Variants in RMDN2 observed in about 807,000 individuals in gnomAD.
RMDN2 encodes the protein regulator of microtubule dynamics 2.
Under a neutral mutation model 52.8 loss-of-function variants are expected in RMDN2, and 61 were observed. The ratio of observed to expected loss-of-function variants is 1.16; its 90% CI spans 0.94 to 1.43. The LOEUF is 1.43. Ranked by LOEUF, RMDN2 falls within the 40% of genes most tolerant of loss-of-function variation. The pLI is 0.00. For missense variants in RMDN2, 592 were observed against 475.3 expected (o/e 1.25, Z -2.28); for synonymous variants, 180 against 153.1 (o/e 1.18, Z -1.30).
intron 2 of RMDN2, among the ~76,000 whole-genome samples, chr2:37,960,129 G>T (rs552796807): frequency 6.6e-6 from 1 of 152,290 alleles, no homozygotes; most frequent in South Asian, 2.1e-4. Context: ...TTGATTTGGG[G>T]TGGAGAGTTC....
chr2:38,045,083 A>G lies in RMDN2; in HGVS notation c.1714-21899A>G, dbSNP rs139285934. 3.9e-5 allele frequency among the ~76,000 whole-genome samples: 6 copies of G among 152,228 alleles called. No homozygotes were observed. In the East Asian group the frequency reaches 1.2e-3, roughly 29 times the overall value. On this transcript the variant is annotated intron_variant, in intron 10 of 10. Coordinates refer to the RMDN2 transcript ENST00000234195. ...CTTTTTGTCAAGAGTAGGTTTATATAACTCTGTATGTTAATTTATTAAAAG... is the reference window on the plus strand; with the variant it reads ...CTTTTTGTCAAGAGTAGGTTTATATGACTCTGTATGTTAATTTATTAAAAG...
intron 2 of RMDN2, among the ~76,000 whole-genome samples, chr2:37,934,960 A>G (rs1363365614): frequency 1.3e-5 from 2 of 152,242 alleles, no homozygotes; most frequent in Non-Finnish European, 2.9e-5. Context: ...TGAAAGTAAC[A>G]AATTCATTAT....
chr2:37,984,373 C>T (rs1673715558), intron 5 of RMDN2, among the ~76,000 whole-genome samples: 1 of 152,118 alleles, frequency 6.6e-6, no homozygotes. Flanking sequence ...TGTGCTCTAC[C>T]CTTTGCAAAT....
intron 10 of RMDN2, among the ~76,000 whole-genome samples, chr2:38,045,350 C>T (rs975745497): frequency 2.6e-5 from 4 of 152,174 alleles, no homozygotes; most frequent in African/African-American, 9.7e-5. Flanking sequence ...CACTCTTACA[C>T]TCTTAGCACA....
At chr2:38,050,648 T>C (rs1285734736) in intron 10 of RMDN2, among the ~76,000 whole-genome samples, 2 of 152,118 alleles carry the variant, frequency 1.3e-5, no homozygotes, top group African/African-American at 4.8e-5. Flanking sequence ...CAAATAAAAG[T>C]TGGTTGAGAG....
chr2:38,016,846 G>A (rs1190700001), intron 10 of RMDN2, among the ~76,000 whole-genome samples: 1 of 151,940 alleles, frequency 6.6e-6, no homozygotes, highest in Non-Finnish European at 1.5e-5. Flanking sequence ...GAAAATACTA[G>A]ATACTTCATG....
At chr2:37,981,377 T>C (rs1673290646) in intron 5 of RMDN2, 34 bp downstream of exon 5, 4 of 1,336,696 alleles carry the variant, frequency 3.0e-6, no homozygotes, top group African/African-American at 2.9e-5. Flanking sequence ...TCTTTTAAAT[T>C]CTAACCTGCC....
intron 4 of RMDN2, among the ~76,000 whole-genome samples, chr2:37,980,891 T>G (rs1264919180): frequency 6.6e-6 from 1 of 152,186 alleles, no homozygotes; most frequent in Admixed American, 6.5e-5. Flanking sequence ...TATTTTACAT[T>G]TTATTCCCAG....
intron 2 of RMDN2, among the ~76,000 whole-genome samples, chr2:37,949,107 A>T (rs928719565): frequency 1.3e-5 from 2 of 152,202 alleles, no homozygotes; most frequent in African/African-American, 4.8e-5. Context: ...GGAACAAAAG[A>T]CAGTAGTCTC....
In RMDN2 at chr2:38,017,469, C is replaced by T; in HGVS notation, c.*230C>T. On this transcript the variant is annotated 3_prime_UTR_variant, in exon 11 of 11. Coordinates refer to ENST00000354545, the MANE Select transcript of RMDN2 (RefSeq NM_001170791.3). ...AATACATAATCTATAAACATGTATG[C>T]TTTATATTTTTCTTATCAATAAACT... 8.9e-7 allele frequency: 1 copy of T among 1,124,188 alleles called. No homozygotes were observed. The highest frequency in any genetic ancestry group is 1.2e-6 in the Non-Finnish European group (1 of 847,032). 69.6% of individuals were successfully genotyped at this position (1,124,188 alleles called of 1,614,324 possible). A position where few individuals can be genotyped will look rare whatever the true frequency, so the allele number is the denominator to read the frequency against.
Position 37,975,246 on chromosome 2 carries a change from C to A in RMDN2, c.662C>A (p.Ala221Asp). Reference protein sequence around the residue: ...RDEIEFMWRFARAYGDMYELS... With the variant: ...RDEIEFMWRFDRAYGDMYELS... ...GAAATAGAGTTTATGTGGCGATTTG[C>A]TCGTGCTTATGGAGACATGTATGAA... The change falls in exon 4 of 11, where the codon GCT (alanine) becomes GAT (aspartate). Residue 221 changes from alanine to aspartate, a missense_variant. Coordinates refer to ENST00000354545, the MANE Select transcript of RMDN2 (RefSeq NM_001170791.3). The A allele has an allele frequency of 6.2e-7, 1 of 1,610,550 alleles. No individual in the cohort carries two copies.
chr2:37,957,197 G>A (rs13022920), intron 2 of RMDN2, among the ~76,000 whole-genome samples: 60,333 of 151,980 alleles, frequency 0.4, 13,051 homozygotes, highest in East Asian at 0.78. Context: ...TGGGTCAAAT[G>A]TATTTCTAGT....
chr2:38,050,568 G>A (rs765665932), intron 10 of RMDN2, among the ~76,000 whole-genome samples: 16 of 152,174 alleles, frequency 1.1e-4, no homozygotes, highest in Non-Finnish European at 2.1e-4. Flanking sequence ...GGTCAGAAAA[G>A]CTGACCTAGA....
At chr2:37,991,563 C>T (rs1450628351) in intron 7 of RMDN2, among the ~76,000 whole-genome samples, 3 of 151,950 alleles carry the variant, frequency 2.0e-5, no homozygotes, top group Non-Finnish European at 2.9e-5. Flanking sequence ...TTATATGCCA[C>T]ATTTTATATA....
chr2:38,027,118 C>T (rs1045857590), intron 10 of RMDN2: 4 of 152,208 alleles, frequency 2.6e-5, no homozygotes, highest in South Asian at 2.1e-4. Flanking sequence ...AGGTGACTTA[C>T]ATCAAGTGTC....
chr2:37,952,191 C>G, intron 2 of RMDN2: 1 of 1,613,036 alleles, frequency 6.2e-7, no homozygotes, highest in Non-Finnish European at 8.5e-7. Context: ...TATTGAAATT[C>G]CTAAAATAAG....
intron 2 of RMDN2, among the ~76,000 whole-genome samples, chr2:37,972,387 G>T (rs1333236318): frequency 6.6e-6 from 1 of 152,094 alleles, no homozygotes; most frequent in Admixed American, 6.6e-5. Flanking sequence ...AATACAAAGG[G>T]TTTAAAGCAG....
chr2:37,927,489 C>G (rs1485344516), intron 1 of RMDN2, among the ~76,000 whole-genome samples: 1 of 152,212 alleles, frequency 6.6e-6, no homozygotes, highest in Admixed American at 6.5e-5. Context: ...GGTCCTGTCT[C>G]AAGAATAAGT....
chr2:38,017,705 T>G lies in RMDN2; in HGVS notation c.*466T>G. 1 of 443,060 alleles carries G rather than the reference T, an allele frequency of 2.3e-6. No individual in the cohort carries two copies. Among genetic ancestry groups the G allele is most frequent in the Non-Finnish European group, 3.9e-6 (1 of 256,348 alleles). 27.4% of individuals were successfully genotyped at this position (443,060 alleles called of 1,614,324 possible). A position where few individuals can be genotyped will look rare whatever the true frequency, so the allele number is the denominator to read the frequency against. Reference sequence around the variant, plus strand: ...AGTATTGTAACTGGTAATCAAAAGATGTGAATAAAATTACAATAAAATACT... The same window carrying G: ...AGTATTGTAACTGGTAATCAAAAGAGGTGAATAAAATTACAATAAAATACT... On this transcript the variant is annotated 3_prime_UTR_variant, in exon 11 of 11. Transcript: ENST00000354545.
Sources: gnomAD v4.1 joint callset for allele counts (sites outside exome capture counted in the v4.1 genomes callset) on GRCh38, gnomAD v4.1.1 for gene constraint, MANE v1.5 for transcripts, NCBI Gene and HGNC (gene_info 2026-07-23, HGNC 2026-07-21) for gene names.